Variants in WWOX observed in about 807,000 individuals in gnomAD.
The protein encoded by WWOX is WW domain containing oxidoreductase.
In WWOX, 69 loss-of-function variants were observed where a neutral mutation model predicts 46.2. That is an observed-to-expected ratio of 1.49 (90% CI 1.23 to 1.82). The LOEUF (loss-of-function observed/expected upper bound fraction) is 1.82, where lower values mean the gene tolerates loss of function less well. Ranked by LOEUF, WWOX falls within the 40% of genes most tolerant of loss-of-function variation. The pLI, the probability that WWOX is intolerant of heterozygous loss-of-function variation, is 0.00. For synonymous variants in WWOX, 359 were observed against 202.6 expected (o/e 1.77, Z -6.56); for missense variants, 919 against 542.6 (o/e 1.69, Z -6.89).
intron 8 of WWOX, among the ~76,000 whole-genome samples, chr16:78,786,009 C>A (rs138183145): frequency 9.8e-5 from 15 of 152,286 alleles, no homozygotes; most frequent in Non-Finnish European, 1.8e-4. Flanking sequence ...TGGGTTCAAG[C>A]GATTCTCATG....
intron 6 of WWOX, among the ~76,000 whole-genome samples, chr16:78,417,218 G>A (rs886471987): frequency 6.6e-6 from 1 of 152,066 alleles, no homozygotes; most frequent in Non-Finnish European, 1.5e-5. Context: ...GACTACAGGT[G>A]CATGCCACTG....
intron 8 of WWOX, among the ~76,000 whole-genome samples, chr16:79,146,903 G>A (rs2050192227): frequency 6.6e-6 from 1 of 152,148 alleles, no homozygotes; most frequent in African/African-American, 2.4e-5. Flanking sequence ...TTCATGTCTA[G>A]TTCACTGATT....
At chr16:78,425,728 C>G (rs1567565923) in intron 7 of WWOX, among the ~76,000 whole-genome samples, 1 of 152,072 alleles carries the variant, frequency 6.6e-6, no homozygotes, top group Admixed American at 6.6e-5. Flanking sequence ...TCTGAAAAGA[C>G]AAAGGCCTTG....
At chr16:79,084,327 A>G (rs1227222818) in intron 8 of WWOX, among the ~76,000 whole-genome samples, 1 of 152,252 alleles carries the variant, frequency 6.6e-6, no homozygotes, top group African/African-American at 2.4e-5. Flanking sequence ...TCAATAAATC[A>G]CACCAAAAAT....
intron 5 of WWOX, among the ~76,000 whole-genome samples, chr16:78,195,322 C>G (rs1296824333): frequency 6.6e-6 from 1 of 152,152 alleles, no homozygotes; most frequent in African/African-American, 2.4e-5. Flanking sequence ...ACCCTAAGAC[C>G]ATGAACTTCT....
chr16:79,084,174 G>A (rs563533205), intron 8 of WWOX, among the ~76,000 whole-genome samples: 6 of 152,288 alleles, frequency 3.9e-5, no homozygotes, highest in African/African-American at 1.4e-4. Flanking sequence ...GGCACTCTTG[G>A]TGTTCAGAAG....
chr16:78,206,307 A>G (rs2036394367), intron 5 of WWOX, among the ~76,000 whole-genome samples: 1 of 152,178 alleles, frequency 6.6e-6, no homozygotes, highest in Non-Finnish European at 1.5e-5. Context: ...TTCTCGTTAA[A>G]TGTCCCAGCA....
chr16:79,140,233 G>A (rs2050063559), intron 8 of WWOX, among the ~76,000 whole-genome samples: 1 of 152,180 alleles, frequency 6.6e-6, no homozygotes, highest in Non-Finnish European at 1.5e-5. Flanking sequence ...AAATAAACTT[G>A]CAGACCCTGC....
chr16:78,624,551 T>C (rs2046266088), intron 8 of WWOX, among the ~76,000 whole-genome samples: 3 of 152,372 alleles, frequency 2.0e-5, no homozygotes, highest in Middle Eastern at 3.4e-3. Flanking sequence ...TTTTGGCTGT[T>C]TCTGTATAAA....
intron 8 of WWOX, among the ~76,000 whole-genome samples, chr16:78,831,173 A>G (rs577716446): frequency 7.9e-5 from 12 of 152,162 alleles, no homozygotes; most frequent in Non-Finnish European, 1.5e-4. Context: ...TGGGGGCTGA[A>G]GACCCTGGCT....
chr16:78,955,882 G>C (rs968411990), intron 8 of WWOX, among the ~76,000 whole-genome samples: 1 of 151,186 alleles, frequency 6.6e-6, no homozygotes, highest in Non-Finnish European at 1.5e-5. Context: ...GGCCTCAAGC[G>C]ATCTCCCATC....
intron 8 of WWOX, among the ~76,000 whole-genome samples, chr16:79,116,958 A>G (rs1478275649): frequency 6.6e-6 from 1 of 152,174 alleles, no homozygotes; most frequent in Non-Finnish European, 1.5e-5. Context: ...TGGGCATTGT[A>G]TTAGCAGGCA....
intron 8 of WWOX, among the ~76,000 whole-genome samples, chr16:79,169,781 A>G (rs2050664940): frequency 6.6e-6 from 1 of 152,140 alleles, no homozygotes; most frequent in Non-Finnish European, 1.5e-5. Flanking sequence ...CACTCTAGGG[A>G]CTACCCTTTT....
At chr16:78,926,358 G>A (rs1195521470) in intron 8 of WWOX, among the ~76,000 whole-genome samples, 2 of 124,596 alleles carry the variant, frequency 1.6e-5, no homozygotes, top group East Asian at 2.3e-4. Flanking sequence ...GGGTGACAGT[G>A]AGACCCTATC....
intron 5 of WWOX, among the ~76,000 whole-genome samples, chr16:78,201,164 A>C (rs1299203570): frequency 1.3e-5 from 2 of 152,228 alleles, no homozygotes; most frequent in Non-Finnish European, 2.9e-5. Context: ...GTACTCATTA[A>C]TGTGGCAGTG....
chr16:78,865,711 C>G (rs959133341), intron 8 of WWOX, among the ~76,000 whole-genome samples: 3 of 152,200 alleles, frequency 2.0e-5, no homozygotes, highest in South Asian at 2.1e-4. Flanking sequence ...GAAACCCCAT[C>G]TCTACTAAAA....
intron 8 of WWOX, among the ~76,000 whole-genome samples, chr16:79,165,006 C>G (rs975335178): frequency 6.6e-6 from 1 of 152,122 alleles, no homozygotes; most frequent in Non-Finnish European, 1.5e-5. Flanking sequence ...GTTCCACACC[C>G]TTATGTATAG....
chr16:78,558,453 G>C (rs1224023750), intron 8 of WWOX, among the ~76,000 whole-genome samples: 1 of 152,220 alleles, frequency 6.6e-6, no homozygotes, highest in African/African-American at 2.4e-5. Context: ...GGCATCCTTT[G>C]CCTGCATTTT....
intron 8 of WWOX, among the ~76,000 whole-genome samples, chr16:78,442,624 C>G (rs933050758): frequency 6.6e-6 from 1 of 152,086 alleles, no homozygotes; most frequent in Admixed American, 6.6e-5. Flanking sequence ...TACCCATTCT[C>G]GTAATGATGG....
Sources: gnomAD v4.1 joint callset for allele counts (sites outside exome capture counted in the v4.1 genomes callset) on GRCh38, gnomAD v4.1.1 for gene constraint, MANE v1.5 for transcripts, NCBI Gene and HGNC (gene_info 2026-07-23, HGNC 2026-07-21) for gene names.